Variants in TMEM178B observed in about 807,000 individuals in gnomAD.
The protein encoded by TMEM178B is transmembrane protein 178B.
Under a neutral mutation model 31.0 loss-of-function variants are expected in TMEM178B, and 5 were observed. That is an observed-to-expected ratio of 0.16 (90% CI 0.08 to 0.34). TMEM178B has a LOEUF of 0.34. Ranked by LOEUF, TMEM178B falls within the 10% of genes least tolerant of loss-of-function variation. The pLI, the probability that TMEM178B is intolerant of heterozygous loss-of-function variation, is 1.00. For missense variants in TMEM178B, 275 were observed against 400.3 expected (o/e 0.69, Z 2.67); for synonymous variants, 164 against 164.0 (o/e 1.00, Z 0.00).
intron 1 of TMEM178B, among the ~76,000 whole-genome samples, chr7:141,155,874 G>T (rs901024331): frequency 6.6e-6 from 1 of 152,124 alleles, no homozygotes; most frequent in Non-Finnish European, 1.5e-5. Context: ...AGACCAGCCT[G>T]GCCAAGATGG....
chr7:141,096,193 A>G (rs1213611596), intron 1 of TMEM178B, among the ~76,000 whole-genome samples: 2 of 152,200 alleles, frequency 1.3e-5, no homozygotes, highest in African/African-American at 4.8e-5. Flanking sequence ...TTTAAATTGC[A>G]TTGCAGGTCA....
intron 2 of TMEM178B, among the ~76,000 whole-genome samples, chr7:141,349,042 T>G (rs1799666337): frequency 6.6e-6 from 1 of 152,148 alleles, no homozygotes; most frequent in African/African-American, 2.4e-5. Context: ...ATAATATAGT[T>G]TATGTATATT....
chr7:141,409,953 G>A (rs548780782), intron 2 of TMEM178B, among the ~76,000 whole-genome samples: 4 of 152,166 alleles, frequency 2.6e-5, no homozygotes, highest in East Asian at 1.9e-4. Flanking sequence ...GCTGAGCCCC[G>A]GGTGACATAT....
At chr7:141,098,507 A>T (rs1368952776) in intron 1 of TMEM178B, among the ~76,000 whole-genome samples, 10 of 152,172 alleles carry the variant, frequency 6.6e-5, no homozygotes, top group Non-Finnish European at 1.5e-4. Flanking sequence ...AAGAGTGTAG[A>T]CCCTGAAGTT....
rs145145323 is a variant in TMEM178B, at chr7:141,350,452, G to A, written c.497-87156G>A. ...GGGCTGTATCATTATTGTCCGAAACGATACCTAGTATGGAGAAGATAATTA... is the reference window on the plus strand; with the variant it reads ...GGGCTGTATCATTATTGTCCGAAACAATACCTAGTATGGAGAAGATAATTA... On this transcript the variant is annotated intron_variant, in intron 2 of 3. Transcript: ENST00000565468. Among the ~76,000 whole-genome samples the A allele has an allele frequency of 5.9e-3, 902 of 152,246 alleles. 6 individuals are homozygous for A. Among genetic ancestry groups the A allele is most frequent in the African/African-American group, 0.021 (863 of 41,548 alleles).
intron 2 of TMEM178B, among the ~76,000 whole-genome samples, chr7:141,430,960 T>C (rs925625681): frequency 3.3e-5 from 5 of 152,144 alleles, no homozygotes; most frequent in African/African-American, 9.7e-5. Flanking sequence ...GCTCCTATCA[T>C]GCAGAAGGGA....
At chr7:141,363,679 G>A (rs1799955095) in intron 2 of TMEM178B, among the ~76,000 whole-genome samples, 1 of 152,176 alleles carries the variant, frequency 6.6e-6, no homozygotes, top group African/African-American at 2.4e-5. Flanking sequence ...AGAGAGTTCT[G>A]TGGAAGTTAG....
intron 2 of TMEM178B, among the ~76,000 whole-genome samples, chr7:141,262,103 G>A (rs1798022969): frequency 6.6e-6 from 1 of 152,104 alleles, no homozygotes; most frequent in Admixed American, 6.5e-5. Context: ...AGATAGAGGT[G>A]CCAAAACTAG....
chr7:141,457,387 C>CATAT (rs1179072360), intron 3 of TMEM178B, among the ~76,000 whole-genome samples: 3 of 152,052 alleles, frequency 2.0e-5, no homozygotes, highest in Non-Finnish European at 4.4e-5. Context: ...TTTCCATAGG[C>CATAT]ATATATATGT....
At chr7:141,127,594 G>A (rs1795520564) in intron 1 of TMEM178B, among the ~76,000 whole-genome samples, 1 of 152,210 alleles carries the variant, frequency 6.6e-6, no homozygotes, top group Non-Finnish European at 1.5e-5. Flanking sequence ...GCATGGAATA[G>A]GTTCTCCCCT....
At chr7:141,506,550 A>C in the TMEM178B span, among the ~76,000 whole-genome samples, 3 of 152,222 alleles carry the variant, frequency 2.0e-5, no homozygotes, top group Non-Finnish European at 4.4e-5. Context: ...ACCGGCCGCC[A>C]TGATTTAATT....
chr7:141,244,616 T>G (rs1008432509), intron 2 of TMEM178B, among the ~76,000 whole-genome samples: 2 of 152,190 alleles, frequency 1.3e-5, no homozygotes, highest in Admixed American at 1.3e-4. Context: ...TGATTTCAGT[T>G]TGAAGCACGT....
chr7:141,376,485 G>A (rs1800216049), intron 2 of TMEM178B, among the ~76,000 whole-genome samples: 1 of 152,182 alleles, frequency 6.6e-6, no homozygotes, highest in Non-Finnish European at 1.5e-5. Context: ...ACAGCCTGAT[G>A]TTATATGTCT....
intron 2 of TMEM178B, among the ~76,000 whole-genome samples, chr7:141,417,540 C>T (rs542355374): frequency 6.6e-5 from 10 of 152,300 alleles, no homozygotes; most frequent in Non-Finnish European, 8.8e-5. Context: ...GTCCCACCCA[C>T]GGTGATGCTA....
At chr7:141,300,981 C>G (rs1311720686) in intron 2 of TMEM178B, among the ~76,000 whole-genome samples, 1 of 152,218 alleles carries the variant, frequency 6.6e-6, no homozygotes, top group South Asian at 2.1e-4. Context: ...TCCCCTTCCC[C>G]CACATCTCTC....
chr7:141,188,732 G>T (rs1796651487), intron 1 of TMEM178B, among the ~76,000 whole-genome samples: 5 of 152,222 alleles, frequency 3.3e-5, no homozygotes. Context: ...ATTGCTCTGT[G>T]CTGGTGATTG....
intron 2 of TMEM178B, among the ~76,000 whole-genome samples, chr7:141,425,670 C>T (rs2116659533): frequency 6.6e-6 from 1 of 152,302 alleles, no homozygotes; most frequent in South Asian, 2.1e-4. Context: ...TGCGTTTTAC[C>T]CCCTTCTTTC....
chr7:141,103,904 G>T (rs894951642), intron 1 of TMEM178B, among the ~76,000 whole-genome samples: 7 of 152,156 alleles, frequency 4.6e-5, no homozygotes, highest in Admixed American at 4.6e-4. Flanking sequence ...GGGTTGATTG[G>T]ATTCAGGATC....
chr7:141,212,979 T>C (rs1797074011), intron 2 of TMEM178B, among the ~76,000 whole-genome samples: 1 of 152,222 alleles, frequency 6.6e-6, no homozygotes, highest in Non-Finnish European at 1.5e-5. Context: ...TTCACTACCC[T>C]GGTAGGCATG....
Sources: allele counts gnomAD v4.1 joint callset (sites outside exome capture counted in the v4.1 genomes callset), GRCh38; gene constraint gnomAD v4.1.1; transcripts MANE v1.5; gene names NCBI Gene and HGNC (gene_info 2026-07-23, HGNC 2026-07-21).